Variants in NRG3 observed in about 807,000 individuals in gnomAD.
NRG3 encodes the protein neuregulin 3.
A neutral mutation model predicts 66.9 loss-of-function variants in NRG3; 31 were observed. The ratio of observed to expected loss-of-function variants is 0.46; its 90% CI spans 0.35 to 0.63. The LOEUF is 0.63. Ranked by LOEUF, NRG3 falls within the 20% of genes least tolerant of loss-of-function variation. The pLI is 0.00. For missense variants in NRG3, 910 were observed against 878.9 expected, an observed-to-expected ratio of 1.04 and a Z score of -0.45; for synonymous variants, 393 against 359.4, an observed-to-expected ratio of 1.09 and a Z score of -1.06.
At chr10:82,567,938 A>T (rs2045511794) in intron 2 of NRG3, among the ~76,000 whole-genome samples, 1 of 151,926 alleles carries the variant, frequency 6.6e-6, no homozygotes, top group South Asian at 2.1e-4. Context: ...GAAGACAGTA[A>T]GGACCATTGT....
At chr10:82,026,600 C>T (rs1487307058) in intron 1 of NRG3, among the ~76,000 whole-genome samples, 1 of 151,728 alleles carries the variant, frequency 6.6e-6, no homozygotes, top group African/African-American at 2.4e-5. Context: ...TTATATATTA[C>T]CTATAATTTC....
At chr10:82,442,992 A>C (rs779827088) in intron 2 of NRG3, among the ~76,000 whole-genome samples, 7 of 152,078 alleles carry the variant, frequency 4.6e-5, no homozygotes, top group Middle Eastern at 3.4e-3. Flanking sequence ...ATAAATCAGC[A>C]GTGGAACTTT....
chr10:82,576,552 G>A (rs1253725234), intron 2 of NRG3, among the ~76,000 whole-genome samples: 1 of 151,614 alleles, frequency 6.6e-6, no homozygotes. Flanking sequence ...AATATGTGAG[G>A]GTTCATAGTT....
At chr10:82,653,440 T>C (rs1354291148) in intron 2 of NRG3, among the ~76,000 whole-genome samples, 1 of 152,184 alleles carries the variant, frequency 6.6e-6, no homozygotes, top group African/African-American at 2.4e-5. Context: ...GCAAACTCCC[T>C]GGAGAGCCTG....
At chr10:82,487,035 G>A (rs1471002721) in intron 2 of NRG3, among the ~76,000 whole-genome samples, 2 of 149,340 alleles carry the variant, frequency 1.3e-5, no homozygotes, top group Admixed American at 6.7e-5. Context: ...AAGTTTAAGA[G>A]GTTTAACATA....
chr10:81,882,266 G>C (rs977318858), intron 1 of NRG3, among the ~76,000 whole-genome samples: 1 of 152,080 alleles, frequency 6.6e-6, no homozygotes, highest in Non-Finnish European at 1.5e-5. Context: ...GTTCCTGCCA[G>C]GCAGTGTGGT....
intron 2 of NRG3, among the ~76,000 whole-genome samples, chr10:82,549,260 GA>G (rs536060323): frequency 4.6e-5 from 7 of 152,186 alleles, no homozygotes; most frequent in Admixed American, 2.0e-4. Flanking sequence ...TAGAGCTAGG[GA>G]AAAAAATGAG....
chr10:82,245,375 AC>A lies in NRG3; in HGVS notation c.824-113362del, dbSNP rs916466000. Among the ~76,000 whole-genome samples the A allele has an allele frequency of 2.5e-4, 38 of 152,304 alleles. No individual in the cohort carries two copies. The East Asian group carries it at 6.0e-3, about 24-fold the overall frequency. ...AATACAGATGAAGCTTTGCTCACTC[AC>A]CAGCAGCTCACCTCCTGCTGTGCAG... On this transcript the variant is annotated intron_variant, in intron 1 of 8. Transcript: ENST00000372141.
intron 1 of NRG3, among the ~76,000 whole-genome samples, chr10:82,296,028 G>A (rs1165193117): frequency 1.3e-5 from 2 of 152,136 alleles, no homozygotes; most frequent in Non-Finnish European, 2.9e-5. Context: ...AGCTTTTACT[G>A]ATCATGGAGG....
At chr10:81,944,808 G>A (rs974896398) in intron 1 of NRG3, among the ~76,000 whole-genome samples, 1 of 152,132 alleles carries the variant, frequency 6.6e-6, no homozygotes, top group African/African-American at 2.4e-5. Context: ...TTCCAGTAAA[G>A]CACCCATGGC....
At chr10:82,248,038 A>T (rs2077321237) in intron 1 of NRG3, among the ~76,000 whole-genome samples, 1 of 152,228 alleles carries the variant, frequency 6.6e-6, no homozygotes, top group South Asian at 2.1e-4. Flanking sequence ...TTACCATGCA[A>T]ATTTGAACAG....
At chr10:81,878,140 A>G in intron 1 of NRG3, 1 of 1,436,470 alleles carries the variant, frequency 7.0e-7, no homozygotes, top group Non-Finnish European at 9.2e-7. Flanking sequence ...CATTCCGTGG[A>G]CGGGAATGGC....
intron 1 of NRG3, among the ~76,000 whole-genome samples, chr10:82,123,682 T>G (rs1310247294): frequency 6.6e-6 from 1 of 152,164 alleles, no homozygotes; most frequent in Non-Finnish European, 1.5e-5. Context: ...CTTCTGCTGG[T>G]GTCATTAGTT....
At chr10:82,714,224 A>G (rs1011906859) in intron 2 of NRG3, among the ~76,000 whole-genome samples, 3 of 152,180 alleles carry the variant, frequency 2.0e-5, no homozygotes, top group African/African-American at 7.2e-5. Context: ...TGTAGTTATC[A>G]TGTTGGTGCT....
At chr10:82,264,170 A>G (rs906287499) in intron 1 of NRG3, among the ~76,000 whole-genome samples, 1 of 152,186 alleles carries the variant, frequency 6.6e-6, no homozygotes, top group African/African-American at 2.4e-5. Context: ...GTTCGTTCTC[A>G]CATTGCTAAT....
intron 1 of NRG3, among the ~76,000 whole-genome samples, chr10:82,331,482 G>A (rs976775012): frequency 1.3e-5 from 2 of 152,064 alleles, no homozygotes; most frequent in Non-Finnish European, 2.9e-5. Context: ...CAATTTCAAT[G>A]GGAGCCAGGA....
intron 1 of NRG3, among the ~76,000 whole-genome samples, chr10:81,972,535 A>G (rs984911122): frequency 2.0e-5 from 3 of 152,202 alleles, no homozygotes; most frequent in African/African-American, 7.2e-5. Context: ...GATGAGATTA[A>G]TGTCAGATTA....
At chr10:82,057,279 A>G (rs988714428) in intron 1 of NRG3, among the ~76,000 whole-genome samples, 1 of 149,884 alleles carries the variant, frequency 6.7e-6, no homozygotes, top group Admixed American at 6.8e-5. Flanking sequence ...TCAAATACGT[A>G]TGTATAATTT....
intron 1 of NRG3, among the ~76,000 whole-genome samples, chr10:82,028,555 T>A (rs2132849640): frequency 6.6e-6 from 1 of 152,240 alleles, no homozygotes; most frequent in Non-Finnish European, 1.5e-5. Flanking sequence ...ATATTCCTGT[T>A]TTTCACTTTG....
Sources: allele counts gnomAD v4.1 joint callset (sites outside exome capture counted in the v4.1 genomes callset), GRCh38; gene constraint gnomAD v4.1.1; transcripts MANE v1.5; gene names NCBI Gene and HGNC (gene_info 2026-07-23, HGNC 2026-07-21).